TNS1: variants seen among roughly 807,000 people sequenced by gnomAD.
TNS1 encodes the protein tensin 1, also known as tensin-1.
Under a neutral mutation model 168.6 loss-of-function variants are expected in TNS1, and 62 were observed. The observed-to-expected ratio is 0.37, with a 90% CI of 0.30 to 0.45. TNS1 has a LOEUF of 0.45. Among genes scored for constraint, TNS1 ranks in the 20% least tolerant of loss-of-function variants. The pLI, the probability that TNS1 is intolerant of heterozygous loss-of-function variation, is 1.00. For synonymous variants in TNS1, 934 were observed against 933.2 expected (o/e 1.00, Z -0.02); for missense variants, 2,240 against 2,339.4 (o/e 0.96, Z 0.88).
In TNS1 at chr2:217,818,282, C is replaced by T. The variant is rs3796027; in HGVS notation, c.4050G>A (p.Leu1350=). The change falls in exon 24 of 33, where the codon CTG becomes CTA. Residue 1350 remains leucine, a synonymous_variant. Coordinates refer to ENST00000682258, the MANE Select transcript of TNS1 (RefSeq NM_001387777.1). Reference sequence around the variant, plus strand: ...GGTAGACCCCTGCTGGGTGCCGACACAGGCTGGGGCTCCCCGGGGTGGTCG... The same window carrying T: ...GGTAGACCCCTGCTGGGTGCCGACATAGGCTGGGGCTCCCCGGGGTGGTCG... ...SAATTPGSPS[L]CRHPAGVYQV... 7.5e-5 allele frequency: 121 copies of T among 1,613,430 alleles called. No homozygotes were observed. In the East Asian group the frequency reaches 2.6e-3, roughly 34 times the overall value.
At chr2:217,964,979 A>AGCAG (rs1191855350) in intron 3 of TNS1, among the ~76,000 whole-genome samples, 1 of 152,212 alleles carries the variant, frequency 6.6e-6, no homozygotes, top group East Asian at 1.9e-4. Context: ...AGAGAGAGGG[A>AGCAG]GCAGGGGTGT....
At chr2:217,924,591 TTGTGGCCACA>T (rs2125876733) in intron 3 of TNS1, among the ~76,000 whole-genome samples, 1 of 152,338 alleles carries the variant, frequency 6.6e-6, no homozygotes, top group South Asian at 2.1e-4. Context: ...CTGTGGCCAC[TTGTGGCCACA>T]ATCGCTGCCA....
chr2:217,809,484 G>C (rs796192366), intron 30 of TNS1, among the ~76,000 whole-genome samples: 168 of 21,462 alleles, frequency 7.8e-3, no homozygotes, highest in East Asian at 0.023. Flanking sequence ...TGGATGGATG[G>C]ATGGATGCAT....
intron 3 of TNS1, among the ~76,000 whole-genome samples, chr2:217,946,989 A>ACT (rs1388577569): frequency 2.0e-5 from 3 of 151,164 alleles, no homozygotes; most frequent in African/African-American, 7.3e-5. Flanking sequence ...ACACACACAC[A>ACT]CACACAGTAA....
intron 3 of TNS1, among the ~76,000 whole-genome samples, chr2:217,956,261 C>T (rs984158819): frequency 2.2e-4 from 33 of 152,102 alleles, no homozygotes; most frequent in Admixed American, 5.9e-4. Flanking sequence ...CCTCAGCCTC[C>T]TAAAGTGCTG....
rs2125019103 is a variant in TNS1 at position 217,804,358 on chromosome 2, G to A, written c.*101C>T. The A allele has an allele frequency of 1.4e-6, 2 of 1,471,914 alleles. No homozygotes were observed. The highest frequency in any genetic ancestry group is 1.3e-5 in the South Asian group (1 of 75,776). The allele number at this position is 1,471,914 out of a possible 1,614,324, so 91.2% of individuals were successfully genotyped here. On this transcript the variant is annotated 3_prime_UTR_variant, in exon 33 of 33. Transcript: ENST00000682258. Reference sequence around the variant, plus strand: ...CACTTTCTTCTCTCCTCCGAAATTGGCCCAAAGTCCTCCTTCTGGGTTCAA... The same window carrying A: ...CACTTTCTTCTCTCCTCCGAAATTGACCCAAAGTCCTCCTTCTGGGTTCAA...
intron 18 of TNS1, among the ~76,000 whole-genome samples, chr2:217,860,924 G>C (rs1263697679): frequency 2.0e-5 from 3 of 152,120 alleles, no homozygotes; most frequent in African/African-American, 7.2e-5. Context: ...CATCCAGGGG[G>C]ACTAGCTATA....
Position 217,975,011 on chromosome 2 carries a change from T to C in TNS1, c.186+3754A>G, listed in dbSNP as rs557443752. ...GAAATAACAGTGTGTCTTCCAAGGA[T>C]AGTGTATAAAAGACATTGTGGGTTC... is the stretch of plus-strand genomic sequence containing the variant. On this transcript the variant is annotated intron_variant, in intron 3 of 32. Coordinates refer to ENST00000682258, the MANE Select transcript of TNS1 (RefSeq NM_001387777.1). 8.8e-4 allele frequency among the ~76,000 whole-genome samples: 134 copies of C among 152,346 alleles called. 1 individual carries two copies. The highest frequency in any genetic ancestry group is 2.7e-3 in the African/African-American group (113 of 41,574).
chr2:217,885,038 T>C lies in TNS1; in HGVS notation c.1243A>G (p.Lys415Glu). 6.2e-7 allele frequency: 1 copy of C among 1,614,196 alleles called. No individual in the cohort carries two copies. Among genetic ancestry groups the C allele is most frequent in the Non-Finnish European group, 8.5e-7 (1 of 1,180,030 alleles). ...CAGCTCCACTCAAGGAGCGCACCTTTGAAAGCATCATCAAGGTCCTCCTTC... is the reference window on the plus strand; with the variant it reads ...CAGCTCCACTCAAGGAGCGCACCTTCGAAAGCATCATCAAGGTCCTCCTTC... ...FGKEDLDDAF[K>E]DDRFPEYGKV... The change falls in exon 16 of 33, where the codon AAA becomes GAA. Residue 415 changes from lysine (K) to glutamate (E), a missense_variant. Lys to Glu is a moderately conservative substitution (Grantham distance 56). Transcript: ENST00000682258.
At chr2:217,923,182 T>C (rs1219528636) in intron 3 of TNS1, among the ~76,000 whole-genome samples, 1 of 152,108 alleles carries the variant, frequency 6.6e-6, no homozygotes, top group Non-Finnish European at 1.5e-5. Flanking sequence ...GCCAGCGCTG[T>C]CATAGGCTCA....
rs3791885 is a variant in TNS1, at chr2:217,961,476, G to T, written c.186+17289C>A. ...CCAGGTCCAAGTCCTGAAAGTACCT[G>T]AAGCCAAGCCCTTGGCTTTCTCACT... is the stretch of plus-strand genomic sequence containing the variant. On this transcript the variant is annotated intron_variant, in intron 3 of 32. Transcript: ENST00000682258. Among the ~76,000 whole-genome samples the T allele has an allele frequency of 0.02, 3,045 of 152,200 alleles. 207 individuals carry two copies. In the East Asian group the frequency reaches 0.27, roughly 13 times the overall value.
chr2:217,818,018 G>A lies in TNS1; in HGVS notation c.4314C>T (p.Pro1438=). 4 of 1,597,666 alleles carry A rather than the reference G, an allele frequency of 2.5e-6. No homozygotes were observed. The highest frequency in any genetic ancestry group is 3.4e-6 in the Non-Finnish European group (4 of 1,172,094). ...AGGCACTGCTCTGCCGGGACAGTGT[G>A]GGTCTCCGATCCTCCGGGGTAGAAT... The part of the protein sequence containing the change: ...GGYSTPEDRR[P]TLSRQSSASG... The change falls in exon 24 of 33, where the codon CCC becomes CCT. Residue 1438 remains proline (P), a synonymous_variant. Transcript: ENST00000682258.
At chr2:217,930,586 G>A (rs1956269430) in intron 3 of TNS1, among the ~76,000 whole-genome samples, 1 of 152,240 alleles carries the variant, frequency 6.6e-6, no homozygotes, top group Non-Finnish European at 1.5e-5. Flanking sequence ...TGGGTGAGGT[G>A]TAGGGCTGGA....
intron 1 of TNS1, among the ~76,000 whole-genome samples, chr2:217,999,610 C>T (rs1227489470): frequency 6.6e-6 from 1 of 152,210 alleles, no homozygotes; most frequent in Non-Finnish European, 1.5e-5. Context: ...TCTCATGCAG[C>T]CCAGCCTACC....
chr2:217,885,014 A>C (rs1353328279), intron 16 of TNS1, 21 bp downstream of exon 16: 5 of 1,613,880 alleles, frequency 3.1e-6, no homozygotes, highest in South Asian at 1.1e-5. Flanking sequence ...GCCCACCCCC[A>C]GCTCCACTCA....
At chr2:217,966,395 A>G (rs536925593) in intron 3 of TNS1, among the ~76,000 whole-genome samples, 1 of 152,256 alleles carries the variant, frequency 6.6e-6, no homozygotes, top group African/African-American at 2.4e-5. Flanking sequence ...CAAAATTGTT[A>G]TAAAGCAAGA....
Position 217,880,062 on chromosome 2 carries a change from C to T in TNS1, c.1429+836G>A, listed in dbSNP as rs1251101130. ...TGAAGGTCCTCCCAGCTCCAACATT[C>T]TGCAGTCCTACGACCAACTCAAGAA... is the stretch of plus-strand genomic sequence containing the variant. On this transcript the variant is annotated intron_variant, in intron 18 of 32. Transcript: ENST00000682258. The surrounding 1 kb of genome is among the most constrained non-coding windows in gnomAD (Gnocchi z 4.2). 6.6e-6 allele frequency among the ~76,000 whole-genome samples: 1 copy of T among 152,224 alleles called. No homozygotes were observed. The highest frequency in any genetic ancestry group is 2.4e-5 in the African/African-American group (1 of 41,454).
intron 3 of TNS1, among the ~76,000 whole-genome samples, chr2:217,963,772 A>C (rs1015812592): frequency 6.7e-6 from 1 of 150,128 alleles, no homozygotes; most frequent in Non-Finnish European, 1.5e-5. Flanking sequence ...GGCCAGGCTC[A>C]GTGACTCACA....
chr2:218,012,771 G>A (rs1958716986), upstream of TNS1, among the ~76,000 whole-genome samples: 1 of 152,078 alleles, frequency 6.6e-6, no homozygotes, highest in Non-Finnish European at 1.5e-5. Context: ...ACAGCTGCAG[G>A]GTCCCCAGAC....
Sources: allele counts gnomAD v4.1 joint callset (sites outside exome capture counted in the v4.1 genomes callset), GRCh38; gene constraint gnomAD v4.1.1; non-coding constraint Gnocchi (gnomAD v3.1); transcripts MANE v1.5; gene names NCBI Gene and HGNC (gene_info 2026-07-23, HGNC 2026-07-21).